RAB27B: variants seen among roughly 807,000 people sequenced by gnomAD.
The protein encoded by RAB27B is ras-related protein Rab-27B.
Under a neutral mutation model 24.6 loss-of-function variants are expected in RAB27B, and 15 were observed. That is an observed-to-expected ratio of 0.61 (90% CI 0.41 to 0.94). The LOEUF (loss-of-function observed/expected upper bound fraction) is 0.94. RAB27B is among the 40% of genes least tolerant of loss of function. RAB27B has a pLI of 0.00. For missense variants in RAB27B, 261 were observed against 266.8 expected (o/e 0.98, Z 0.15); for synonymous variants, 105 against 92.5 (o/e 1.14, Z -0.78).
At chr18:54,761,847 C>G (rs1294615774) in intron 2 of RAB27B, among the ~76,000 whole-genome samples, 6 of 152,128 alleles carry the variant, frequency 3.9e-5, no homozygotes, top group African/African-American at 9.7e-5. Flanking sequence ...AGCAGATTGA[C>G]TAGTGTCCCT....
In RAB27B at chr18:54,892,047, G is replaced by T. The variant is rs556708788; in HGVS notation, c.*2634G>T. ...GTAATTCATTTTACAATTTCAAATT[G>T]TTCTGGTGCCATAAAGTATACAGAC... is the stretch of plus-strand genomic sequence containing the variant. On this transcript the variant is annotated 3_prime_UTR_variant, in exon 6 of 6. Coordinates refer to ENST00000262094, the MANE Select transcript of RAB27B (RefSeq NM_004163.4). 2.6e-5 allele frequency: 4 copies of T among 152,006 alleles called. No individual in the cohort carries two copies. The highest frequency in any genetic ancestry group is 1.9e-4 in the East Asian group (1 of 5,176). 9.4% of individuals were successfully genotyped at this position (152,006 alleles called of 1,614,324 possible). A position where few individuals can be genotyped will look rare whatever the true frequency, so the allele number is the denominator to read the frequency against.
intron 1 of RAB27B, among the ~76,000 whole-genome samples, chr18:54,834,270 AC>A (rs935206620): frequency 4.6e-5 from 7 of 152,220 alleles, no homozygotes; most frequent in African/African-American, 1.7e-4. Context: ...AGACCCACTC[AC>A]ATAATTTTGG....
intron 2 of RAB27B, among the ~76,000 whole-genome samples, chr18:54,751,467 T>C (rs1907829566): frequency 6.6e-6 from 1 of 152,134 alleles, no homozygotes; most frequent in Non-Finnish European, 1.5e-5. Flanking sequence ...CCATCACAGG[T>C]AATTAGATAT....
At chr18:54,830,610 A>ATT (rs372819448) in intron 1 of RAB27B, among the ~76,000 whole-genome samples, 1 of 150,836 alleles carries the variant, frequency 6.6e-6, no homozygotes, top group Non-Finnish European at 1.5e-5. Context: ...AATGGGAATG[A>ATT]TTTTTTTTTT....
intron 2 of RAB27B, among the ~76,000 whole-genome samples, chr18:54,731,878 G>A (rs1358408330): frequency 2.6e-5 from 4 of 152,010 alleles, no homozygotes; most frequent in African/African-American, 7.2e-5. Context: ...CAGAATCTTA[G>A]GACATAGAAA....
At chr18:54,740,626 TG>T (rs2145009451) in intron 2 of RAB27B, among the ~76,000 whole-genome samples, 1 of 152,316 alleles carries the variant, frequency 6.6e-6, no homozygotes, top group African/African-American at 2.4e-5. Context: ...GTGGCTAAAG[TG>T]GTCCTGTTGG....
intron 1 of RAB27B, among the ~76,000 whole-genome samples, chr18:54,844,375 CTTCTTTCT>C (rs369342894): frequency 0.017 from 2,393 of 144,624 alleles, 51 homozygotes; most frequent in South Asian, 0.061. Context: ...ACTTTTATCT[CTTCTTTCT>C]TTCTTTCTTT....
At chr18:54,793,912 A>G (rs1909332878) in intron 2 of RAB27B, among the ~76,000 whole-genome samples, 1 of 152,214 alleles carries the variant, frequency 6.6e-6, no homozygotes, top group East Asian at 1.9e-4. Context: ...TATTCTATTT[A>G]CTGCATCACA....
At chr18:54,887,909 T>TG in intron 4 of RAB27B, 86 bp from the exon 5 acceptor site, 1 of 1,476,606 alleles carries the variant, frequency 6.8e-7, no homozygotes, top group East Asian at 2.3e-5. Context: ...AGATAAGCAA[T>TG]TAGATCAGGA....
intron 2 of RAB27B, among the ~76,000 whole-genome samples, chr18:54,793,574 C>A (rs1039283900): frequency 1.3e-5 from 2 of 152,212 alleles, no homozygotes; most frequent in African/African-American, 4.8e-5. Flanking sequence ...GGATCTGTCT[C>A]TTCCAATGTT....
rs566905800 is a variant in RAB27B at position 54,852,166 on chromosome 18, C to T, written c.-20+23466C>T. ...TGCAAAGGTTGCGAAGAAATAGTTG[C>T]AGACACTACTTAGTACCAAGAGATC... On this transcript the variant is annotated intron_variant, in intron 1 of 5. Transcript: ENST00000262094. Among the ~76,000 whole-genome samples, 4 of 152,288 alleles carry T rather than the reference C, an allele frequency of 2.6e-5. No homozygotes were observed. The East Asian group carries it at 7.7e-4, about 29-fold the overall frequency.
At chr18:54,859,861 T>C (rs1911944494) in intron 1 of RAB27B, among the ~76,000 whole-genome samples, 1 of 152,234 alleles carries the variant, frequency 6.6e-6, no homozygotes, top group Non-Finnish European at 1.5e-5. Context: ...TATTGTATTT[T>C]TAATCAGAGC....
intron 1 of RAB27B, among the ~76,000 whole-genome samples, chr18:54,863,870 C>A (rs1448928065): frequency 6.6e-6 from 1 of 152,146 alleles, no homozygotes; most frequent in Non-Finnish European, 1.5e-5. Flanking sequence ...TGAAGAATAA[C>A]ATTGAATTGT....
chr18:54,781,781 CATT>C (rs1908926001), intron 2 of RAB27B, among the ~76,000 whole-genome samples: 1 of 152,184 alleles, frequency 6.6e-6, no homozygotes, highest in Non-Finnish European at 1.5e-5. Flanking sequence ...AATGAGCAAA[CATT>C]ATAATCAAGT....
chr18:54,741,243 C>T (rs28487270), intron 2 of RAB27B, among the ~76,000 whole-genome samples: 9,971 of 152,136 alleles, frequency 0.066, 421 homozygotes, highest in African/African-American at 0.097. Context: ...TACATTCCTC[C>T]GCCCATCCCA....
Position 54,833,234 on chromosome 18 carries a change from C to CTTTTTTT in RAB27B, c.-20+4542_-20+4548dup, listed in dbSNP as rs559070445. ...CTTTCTTTTCTTTTTTTCTTTCTTT[C>CTTTTTTT]TTTTTTTTTTTTTTGAGATGGAGTT... On this transcript the variant is annotated intron_variant, in intron 1 of 5. Transcript: ENST00000262094. Among the ~76,000 whole-genome samples the CTTTTTTT allele has an allele frequency of 5.4e-4, 70 of 129,488 alleles. 2 individuals are homozygous for CTTTTTTT. The highest frequency in any genetic ancestry group is 9.8e-4 in the African/African-American group (34 of 34,704). 84.9% of individuals were successfully genotyped at this position (129,488 alleles called of 152,430 possible). A position where few individuals can be genotyped will look rare whatever the true frequency, so the allele number is the denominator to read the frequency against.
intron 2 of RAB27B, among the ~76,000 whole-genome samples, chr18:54,785,891 T>C (rs567645941): frequency 1.6e-4 from 25 of 152,312 alleles, no homozygotes; most frequent in Admixed American, 1.6e-3. Context: ...AGATTCTTCT[T>C]ATCTTTCAGT....
chr18:54,731,575 C>T (rs1162965908), intron 2 of RAB27B, among the ~76,000 whole-genome samples: 1 of 152,078 alleles, frequency 6.6e-6, no homozygotes, highest in Admixed American at 6.6e-5. Flanking sequence ...ACAAAATTAG[C>T]CAGGTGTGGT....
intron 2 of RAB27B, among the ~76,000 whole-genome samples, chr18:54,802,987 A>G (rs1909658309): frequency 6.6e-6 from 1 of 152,228 alleles, no homozygotes; most frequent in African/African-American, 2.4e-5. Context: ...TTATTTATTC[A>G]TTCATTTATT....
Sources: allele counts gnomAD v4.1 joint callset (sites outside exome capture counted in the v4.1 genomes callset), GRCh38; gene constraint gnomAD v4.1.1; transcripts MANE v1.5; gene names NCBI Gene and HGNC (gene_info 2026-07-23, HGNC 2026-07-21).